The following CHRM2 variants were observed in gnomAD, a reference collection of about 807,000 sequenced individuals.
CHRM2 encodes muscarinic acetylcholine receptor M2.
In CHRM2, 8 loss-of-function variants were observed where a neutral mutation model predicts 25.0. That is an observed-to-expected ratio of 0.32 (90% CI 0.19 to 0.58). The LOEUF (loss-of-function observed/expected upper bound fraction) is 0.58, where lower values mean the gene tolerates loss of function less well. Among genes scored for constraint, CHRM2 ranks in the 20% least tolerant of loss-of-function variants. CHRM2 has a pLI of 0.88. For missense variants in CHRM2, 440 were observed against 567.1 expected (o/e 0.78, Z 2.28); for synonymous variants, 202 against 205.7 (o/e 0.98, Z 0.15).
intron 2 of CHRM2, among the ~76,000 whole-genome samples, chr7:136,944,503 A>G (rs906505554): frequency 1.3e-5 from 2 of 151,820 alleles, no homozygotes; most frequent in Non-Finnish European, 2.9e-5. Flanking sequence ...GTATACATAT[A>G]TGTGTACATA....
At chr7:136,985,842 A>C (rs2130995980) in intron 2 of CHRM2, among the ~76,000 whole-genome samples, 1 of 152,310 alleles carries the variant, frequency 6.6e-6, no homozygotes, top group Non-Finnish European at 1.5e-5. Flanking sequence ...CAGAATTTAT[A>C]ATAACATTGG....
At chr7:136,972,137 T>C (rs1330712547) in intron 2 of CHRM2, among the ~76,000 whole-genome samples, 2 of 152,150 alleles carry the variant, frequency 1.3e-5, no homozygotes, top group Non-Finnish European at 2.9e-5. Flanking sequence ...CCTTTTTTTT[T>C]TTCGTGGATT....
At chr7:136,908,664 T>C (rs1797683046) in intron 2 of CHRM2, among the ~76,000 whole-genome samples, 1 of 151,988 alleles carries the variant, frequency 6.6e-6, no homozygotes, top group African/African-American at 2.4e-5. Flanking sequence ...GATCAGGTAT[T>C]ACTCCTCATT....
intron 2 of CHRM2, among the ~76,000 whole-genome samples, chr7:136,886,126 T>G (rs1227901869): frequency 6.6e-6 from 1 of 152,226 alleles, no homozygotes; most frequent in Non-Finnish European, 1.5e-5. Flanking sequence ...CCTATTTCAT[T>G]TGACATTTAC....
intron 2 of CHRM2, among the ~76,000 whole-genome samples, chr7:136,923,694 GTTTTT>G (rs1185670022): frequency 6.6e-6 from 1 of 151,920 alleles, no homozygotes; most frequent in Non-Finnish European, 1.5e-5. Context: ...CCTTTTTTAT[GTTTTT>G]ATTTTAAAAA....
In CHRM2 at chr7:137,014,985, G is replaced by C. The variant is rs1269385852; in HGVS notation, c.120G>C (p.Gly40=). The change falls in exon 4 of 4, where the codon GGG becomes GGC. Residue 40 remains glycine (G), a synonymous_variant. Coordinates refer to ENST00000680005, the MANE Select transcript of CHRM2 (RefSeq NM_001006630.2). ...CCCTCAGTTTGGTGACCATTATCGG[G>C]AACATCCTAGTCATGGTTTCCATTA... ...AGSLSLVTII[G]NILVMVSIKV... 2 of 1,613,212 alleles carry C rather than the reference G, an allele frequency of 1.2e-6. No individual in the cohort carries two copies. Among genetic ancestry groups the C allele is most frequent in the Non-Finnish European group, 1.7e-6 (2 of 1,179,532 alleles).
At chr7:136,929,685 T>C (rs1192472253) in intron 2 of CHRM2, among the ~76,000 whole-genome samples, 2 of 151,912 alleles carry the variant, frequency 1.3e-5, no homozygotes, top group Non-Finnish European at 1.5e-5. Flanking sequence ...CCCTGAATCA[T>C]ACAGAAAAGA....
chr7:136,966,680 G>A (rs1801435017), intron 2 of CHRM2, among the ~76,000 whole-genome samples: 1 of 149,450 alleles, frequency 6.7e-6, no homozygotes, highest in Non-Finnish European at 1.5e-5. Flanking sequence ...AATACAAACC[G>A]TAATACACAG....
chr7:137,006,958 T>C (rs952612418), intron 3 of CHRM2, among the ~76,000 whole-genome samples: 4 of 152,084 alleles, frequency 2.6e-5, no homozygotes, highest in Non-Finnish European at 4.4e-5. Flanking sequence ...TCAGGCTCAA[T>C]GTACTGAAGC....
chr7:136,875,076 T>C (rs1026861584), intron 2 of CHRM2, among the ~76,000 whole-genome samples: 1 of 149,624 alleles, frequency 6.7e-6, no homozygotes, highest in African/African-American at 2.4e-5. Flanking sequence ...TGTATATATA[T>C]ACACATATAT....
chr7:136,930,845 C>T (rs1364233320), intron 2 of CHRM2, among the ~76,000 whole-genome samples: 4 of 140,402 alleles, frequency 2.8e-5, no homozygotes, highest in African/African-American at 1.0e-4. Flanking sequence ...TGCAGTGAGC[C>T]GAGACTGCGC....
chr7:136,894,907 C>A (rs539003411), intron 2 of CHRM2, among the ~76,000 whole-genome samples: 1 of 152,236 alleles, frequency 6.6e-6, no homozygotes, highest in African/African-American at 2.4e-5. Context: ...CCGAGGCTAT[C>A]ATTGAATAGG....
At chr7:136,964,199 AGTT>A (rs1370259807) in intron 2 of CHRM2, among the ~76,000 whole-genome samples, 1 of 152,142 alleles carries the variant, frequency 6.6e-6, no homozygotes, top group Non-Finnish European at 1.5e-5. Context: ...AATTATTATT[AGTT>A]ATTTGCCCTA....
chr7:136,887,790 A>G (rs1389578724), intron 2 of CHRM2, among the ~76,000 whole-genome samples: 2 of 152,154 alleles, frequency 1.3e-5, no homozygotes, highest in Non-Finnish European at 2.9e-5. Flanking sequence ...CCTTTTGGGA[A>G]ACTTAGGGTT....
At chr7:136,999,073 T>C (rs1452428036) in intron 3 of CHRM2, among the ~76,000 whole-genome samples, 3 of 152,216 alleles carry the variant, frequency 2.0e-5, no homozygotes, top group African/African-American at 4.8e-5. Context: ...AATTTAGTCA[T>C]GAAATTCGCC....
chr7:136,956,140 G>A (rs1401259454), intron 2 of CHRM2, among the ~76,000 whole-genome samples: 1 of 152,068 alleles, frequency 6.6e-6, no homozygotes, highest in Non-Finnish European at 1.5e-5. Context: ...TTACAACATA[G>A]AGAATAAAAT....
chr7:137,009,781 G>A (rs1804684439), intron 3 of CHRM2, among the ~76,000 whole-genome samples: 1 of 152,000 alleles, frequency 6.6e-6, no homozygotes, highest in African/African-American at 2.4e-5. Context: ...GTTTTGGAGA[G>A]TAATTATGCT....
intron 2 of CHRM2, among the ~76,000 whole-genome samples, chr7:136,983,780 A>C (rs1352707071): frequency 6.6e-6 from 1 of 152,156 alleles, no homozygotes; most frequent in African/African-American, 2.4e-5. Context: ...AGAACAGCAA[A>C]GATTGCTGCC....
chr7:136,905,765 T>C lies in CHRM2; in HGVS notation c.-125+36347T>C, dbSNP rs1044594336. On this transcript the variant is annotated intron_variant, in intron 2 of 3. Transcript: ENST00000680005. ...CTCTTCTCTTTTTTTGTGGTTTTAT[T>C]ATTTTTACTTCCCTTATGTTTCAAT... 5.3e-5 allele frequency among the ~76,000 whole-genome samples: 8 copies of C among 151,722 alleles called. No homozygotes were observed. The East Asian group carries it at 1.6e-3, about 30-fold the overall frequency.
Sources: allele counts gnomAD v4.1 joint callset (sites outside exome capture counted in the v4.1 genomes callset), GRCh38; gene constraint gnomAD v4.1.1; transcripts MANE v1.5; gene names NCBI Gene and HGNC (gene_info 2026-07-23, HGNC 2026-07-21).